HNRNPL: variants seen among roughly 807,000 people sequenced by gnomAD.
HNRNPL encodes heterogeneous nuclear ribonucleoprotein L.
Under a neutral mutation model 64.0 loss-of-function variants are expected in HNRNPL, and 12 were observed. That is an observed-to-expected ratio of 0.19 (90% confidence interval 0.12 to 0.30). HNRNPL has a LOEUF of 0.30. Ranked by LOEUF, HNRNPL falls within the 10% of genes least tolerant of loss-of-function variation. HNRNPL has a pLI of 1.00. For synonymous variants in HNRNPL, 385 were observed against 313.0 expected (o/e 1.23, Z -2.43); for missense variants, 484 against 797.4 (o/e 0.61, Z 4.73).
intron 8 of HNRNPL, chr19:38,839,743 G>A: frequency 4.1e-6 from 1 of 245,898 alleles, no homozygotes; most frequent in South Asian, 4.6e-5. Flanking sequence ...TGGGAAGGCA[G>A]AAGGCCCGGT....
chr19:38,838,992 C>G lies in HNRNPL; in HGVS notation c.1257G>C (p.Pro419=). Residue 419 remains proline, a synonymous_variant, in exon 9 of 13, where the codon CCG becomes CCC. Transcript: ENST00000221419. ...VEKVKFMKSK[P]GAAMVEMADG... is the part of the protein sequence containing the mutation. ...CAGCCATCTCCACCATGGCGGCCCC[C>G]GGCTTGCTTTTCATGAATTTCACCT... 1 of 1,614,148 alleles carries G rather than the reference C, an allele frequency of 6.2e-7. No homozygotes were observed. The highest frequency in any genetic ancestry group is 8.5e-7 in the Non-Finnish European group (1 of 1,179,996).
At chr19:38,838,340 C>A in intron 10 of HNRNPL, 57 bp downstream of exon 10, 1 of 1,418,580 alleles carries the variant, frequency 7.0e-7, no homozygotes. Flanking sequence ...AAATGAATGG[C>A]CTACTCAGAC....
chr19:38,846,823 G>A (rs985197936), intron 2 of HNRNPL, among the ~76,000 whole-genome samples: 1 of 152,300 alleles, frequency 6.6e-6, no homozygotes, highest in East Asian at 1.9e-4. Flanking sequence ...CAGGAGAATG[G>A]CGTGAACCCA....
chr19:38,846,342 G>C (rs532936950), intron 2 of HNRNPL, among the ~76,000 whole-genome samples: 1 of 152,174 alleles, frequency 6.6e-6, no homozygotes, highest in Non-Finnish European at 1.5e-5. Context: ...CCCACAGACG[G>C]CTTCTTGAGC....
At chr19:38,840,410 G>A (rs144151111) in intron 7 of HNRNPL, 34 bp from the exon 8 acceptor site, 56 of 1,567,568 alleles carry the variant, frequency 3.6e-5, no homozygotes, top group Non-Finnish European at 4.4e-5. Flanking sequence ...GGGAGGACGG[G>A]TGAGAATTTG....
intron 4 of HNRNPL, 22 bp from the exon 5 acceptor site, chr19:38,844,126 C>G: frequency 6.6e-7 from 1 of 1,518,340 alleles, no homozygotes; most frequent in Non-Finnish European, 9.1e-7. Flanking sequence ...TAAGGAAAGT[C>G]CCATCACAGG....
At chr19:38,850,999 A>C (rs962194628), upstream of HNRNPL, 3 of 152,380 alleles carry the variant, frequency 2.0e-5, no homozygotes, top group Admixed American at 2.0e-4. Context: ...GATCTAAATT[A>C]ACAGGTCCCT....
chr19:38,846,233 G>C (rs1972290650), intron 2 of HNRNPL, 143 bp from the exon 3 acceptor site: 2 of 705,294 alleles, frequency 2.8e-6, no homozygotes, highest in Non-Finnish European at 5.0e-6. Flanking sequence ...TGAACACCCT[G>C]TGCCACAAGT....
chr19:38,851,469 G>A (rs1337518210), upstream of HNRNPL, among the ~76,000 whole-genome samples: 1 of 152,220 alleles, frequency 6.6e-6, no homozygotes, highest in Non-Finnish European at 1.5e-5. Context: ...GGCAAGTGAC[G>A]ATATCGCCAA....
intron 4 of HNRNPL, 71 bp from the exon 5 acceptor site, chr19:38,844,175 A>G (rs1177595884): frequency 1.2e-5 from 12 of 975,490 alleles, no homozygotes; most frequent in Admixed American, 3.5e-5. Context: ...CCAGAGTGTG[A>G]TAAGGACAAG....
chr19:38,848,827 G>A (rs974786449), intron 1 of HNRNPL, among the ~76,000 whole-genome samples: 3 of 152,196 alleles, frequency 2.0e-5, no homozygotes, highest in Admixed American at 6.5e-5. Flanking sequence ...CAATTAAGAT[G>A]TCTTTAAAAT....
At chr19:38,841,390 A>C (rs1281098758) in intron 6 of HNRNPL, 1 of 357,696 alleles carries the variant, frequency 2.8e-6, no homozygotes, top group African/African-American at 2.1e-5. Context: ...GAGCAGTTAA[A>C]AGACACTTTG....
intron 2 of HNRNPL, 86 bp from the exon 3 acceptor site, chr19:38,846,176 T>A: frequency 1.0e-6 from 1 of 992,250 alleles, no homozygotes; most frequent in Non-Finnish European, 1.6e-6. Context: ...AACTGACTCC[T>A]CCATGGCCTC....
chr19:38,849,809 T>C lies in HNRNPL; in HGVS notation c.158A>G (p.Glu53Gly). The C allele has an allele frequency of 7.7e-7, 1 of 1,302,050 alleles. No individual in the cohort carries two copies. Among genetic ancestry groups the C allele is most frequent in the African/African-American group, 1.6e-5 (1 of 64,204 alleles). The allele number at this position is 1,302,050 out of a possible 1,614,324, so 80.7% of individuals were successfully genotyped here. Residue 53 changes from glutamate (E) to glycine (G), a missense_variant, in exon 1 of 13, where the codon GAG becomes GGG. Coordinates refer to ENST00000221419, the MANE Select transcript of HNRNPL (RefSeq NM_001533.3). Reference sequence around the variant, plus strand: ...GAGCCGCTTAGGGGCCCGGCCGCCCTCACTGCCGCCGCCGTAGTAGCGGCC... The same window carrying C: ...GAGCCGCTTAGGGGCCCGGCCGCCCCCACTGCCGCCGCCGTAGTAGCGGCC... Reference protein sequence around the residue: ...GGGRYYGGGSEGGRAPKRLKT... With the variant: ...GGGRYYGGGSGGGRAPKRLKT...
At chr19:38,845,520 C>T (rs1285862773) in intron 4 of HNRNPL, 130 bp downstream of exon 4, 3 of 734,048 alleles carry the variant, frequency 4.1e-6, no homozygotes, top group Non-Finnish European at 7.3e-6. Context: ...TCACTGGGCT[C>T]TGTGAAGGCA....
intron 4 of HNRNPL, chr19:38,844,712 C>CTTT (rs11450081): frequency 5.2e-5 from 7 of 135,528 alleles, no homozygotes; most frequent in Admixed American, 7.6e-5. Context: ...CATGCCCCAC[C>CTTT]TTTTTTTTTT....
At chr19:38,840,431 G>T in intron 7 of HNRNPL, 55 bp from the exon 8 acceptor site, 2 of 1,552,350 alleles carry the variant, frequency 1.3e-6, no homozygotes, top group Non-Finnish European at 1.7e-6. Context: ...CACGGCGGGC[G>T]GCGGGCAGGG....
Position 38,840,309 on chromosome 19 carries a change from G to T in HNRNPL, c.1020C>A (p.Tyr340Ter). ...DEGYGPPPPH[Y>*]EGRRMGPPVG... ...CTGGTGGACCCATCCTTCTCCCTTC[G>T]TAGTGAGGTGGGGGGGGCCCGTAGC... is the stretch of plus-strand genomic sequence containing the variant. The change falls in exon 8 of 13, where the codon TAC becomes TAA. Residue 340 changes from tyrosine (Y) to a stop codon, truncating the protein, a stop_gained. Transcript: ENST00000221419. LOFTEE classifies it high-confidence loss of function. 1 of 1,558,172 alleles carries T rather than the reference G, an allele frequency of 6.4e-7. No individual in the cohort carries two copies. The highest frequency in any genetic ancestry group is 8.7e-7 in the Non-Finnish European group (1 of 1,148,518).
At chr19:38,843,782 T>C (rs1418796847) in intron 6 of HNRNPL, 60 bp downstream of exon 6, 3 of 1,374,298 alleles carry the variant, frequency 2.2e-6, no homozygotes, top group Admixed American at 3.4e-5. Flanking sequence ...GCCTATTAAG[T>C]GCACTAGTCG....
Sources: gnomAD v4.1 joint callset for allele counts (sites outside exome capture counted in the v4.1 genomes callset) on GRCh38, gnomAD v4.1.1 for gene constraint, MANE v1.5 for transcripts, NCBI Gene and HGNC (gene_info 2026-07-23, HGNC 2026-07-21) for gene names.